Variants in LGALS8 observed in about 807,000 individuals in gnomAD.
LGALS8 encodes galectin-8.
Under a neutral mutation model 35.9 loss-of-function variants are expected in LGALS8, and 30 were observed. The ratio of observed to expected loss-of-function variants is 0.83; its 90% CI spans 0.62 to 1.13. LGALS8 has a LOEUF of 1.13. Among genes scored for constraint, LGALS8 ranks in the 50% most tolerant of loss-of-function variants. LGALS8 has a pLI of 0.00. For synonymous variants in LGALS8, 138 were observed against 136.1 expected, an observed-to-expected ratio of 1.01 and a Z score of -0.10; for missense variants, 366 against 388.7, an observed-to-expected ratio of 0.94 and a Z score of 0.49.
Position 236,552,164 on chromosome 1 carries a change from T to A in LGALS8, c.*4003T>A. On this transcript the variant is annotated 3_prime_UTR_variant, in exon 10 of 10. Transcript: ENST00000366584. Reference sequence around the variant, plus strand: ...AGTAGTGTTACTGTATTTATTATCTTAAGAGCTGTACTGACTTGAGACAAG... The same window carrying A: ...AGTAGTGTTACTGTATTTATTATCTAAAGAGCTGTACTGACTTGAGACAAG... 8.6e-7 allele frequency: 1 copy of A among 1,163,314 alleles called. No individual in the cohort carries two copies. The highest frequency in any genetic ancestry group is 1.3e-6 in the Non-Finnish European group (1 of 779,864). 72.1% of individuals were successfully genotyped at this position (1,163,314 alleles called of 1,614,324 possible). A position where few individuals can be genotyped will look rare whatever the true frequency, so the allele number is the denominator to read the frequency against.
chr1:236,543,173 C>G, intron 7 of LGALS8: 1 of 770,630 alleles, frequency 1.3e-6, no homozygotes, highest in Non-Finnish European at 2.1e-6. Context: ...TGGACGGATT[C>G]GAGAGTCAAC....
chr1:236,543,688 C>A, intron 8 of LGALS8, 40 bp downstream of exon 8: 1 of 1,446,396 alleles, frequency 6.9e-7, no homozygotes, highest in Non-Finnish European at 9.7e-7. Flanking sequence ...CAGATACTTC[C>A]GTGCCTGTTA....
rs1042291346 is a variant in LGALS8, at chr1:236,551,272, C to G, written c.*3111C>G. 4.9e-6 allele frequency: 2 copies of G among 406,292 alleles called. No individual in the cohort carries two copies. Among genetic ancestry groups the G allele is most frequent in the East Asian group, 4.2e-5 (1 of 23,570 alleles). The allele number at this position is 406,292 out of a possible 1,614,324, so 25.2% of individuals were successfully genotyped here. ...ACCCCTTTAGTAGCTCACACCTCCC[C>G]CCTCCAAGAGCTAAGAAACAAAGGA... On this transcript the variant is annotated 3_prime_UTR_variant, in exon 10 of 10. Transcript: ENST00000366584.
intron 2 of LGALS8, among the ~76,000 whole-genome samples, chr1:236,527,601 G>A (rs1385582740): frequency 6.6e-6 from 1 of 151,494 alleles, no homozygotes; most frequent in African/African-American, 2.4e-5. Context: ...CTCTCTTTAC[G>A]TTTCACTGCT....
intron 2 of LGALS8, among the ~76,000 whole-genome samples, chr1:236,528,970 A>T (rs1468953571): frequency 6.6e-6 from 1 of 152,226 alleles, no homozygotes; most frequent in East Asian, 1.9e-4. Context: ...TAGAATTCCA[A>T]GACTTAAAAA....
intron 2 of LGALS8, among the ~76,000 whole-genome samples, chr1:236,528,935 A>G (rs1660986097): frequency 6.6e-6 from 1 of 152,182 alleles, no homozygotes; most frequent in South Asian, 2.1e-4. Context: ...CCTATTTAGT[A>G]TATTTCTTTG....
chr1:236,537,655 G>A (rs566741069), intron 3 of LGALS8, 70 bp downstream of exon 3: 646 of 1,132,392 alleles, frequency 5.7e-4, no homozygotes, highest in Non-Finnish European at 7.8e-4. Context: ...TGATAACAGA[G>A]TAAGGCGGGA....
chr1:236,520,114 G>A (rs1660511018), upstream of LGALS8, among the ~76,000 whole-genome samples: 1 of 151,774 alleles, frequency 6.6e-6, no homozygotes, highest in Non-Finnish European at 1.5e-5. Context: ...GCGCCACAAG[G>A]CCCAGCTAAT....
chr1:236,529,959 TTTTC>T (rs1181567343), intron 2 of LGALS8, among the ~76,000 whole-genome samples: 4 of 152,248 alleles, frequency 2.6e-5, no homozygotes, highest in African/African-American at 9.6e-5. Context: ...GGCCACTTAC[TTTTC>T]TTTCTATTGA....
In LGALS8 at chr1:236,548,354, G is replaced by A. The variant is rs1662541399; in HGVS notation, c.*193G>A. 4 of 582,834 alleles carry A rather than the reference G, an allele frequency of 6.9e-6. No homozygotes were observed. Among genetic ancestry groups the A allele is most frequent in the Non-Finnish European group, 9.0e-6 (3 of 332,784 alleles). 36.1% of individuals were successfully genotyped at this position (582,834 alleles called of 1,614,324 possible). ...GTCTAGCACTGAATGGGGAAACTGG[G>A]GGCAGCAACACTTATAGCCAGTTAA... is the stretch of plus-strand genomic sequence containing the variant. On this transcript the variant is annotated 3_prime_UTR_variant, in exon 10 of 10. Transcript: ENST00000366584.
At chr1:236,525,341 C>T (rs1535502) in intron 1 of LGALS8, 75,190 of 151,660 alleles carry the variant, frequency 0.5, 21,840 homozygotes, top group Non-Finnish European at 0.65. Context: ...AAATGAAAAT[C>T]TAAATGAATA....
chr1:236,520,326 G>A (rs1258709162), upstream of LGALS8, among the ~76,000 whole-genome samples: 1 of 149,278 alleles, frequency 6.7e-6, no homozygotes, highest in African/African-American at 2.5e-5. Flanking sequence ...TCTTATGGCA[G>A]GTCACTTGAA....
chr1:236,518,656 A>T (rs1279469739), upstream of LGALS8, among the ~76,000 whole-genome samples: 3 of 151,474 alleles, frequency 2.0e-5, no homozygotes, highest in African/African-American at 7.3e-5. Flanking sequence ...GCTTTCACAT[A>T]TTTTTTTTTA....
chr1:236,535,166 T>C (rs1661402258), intron 2 of LGALS8, among the ~76,000 whole-genome samples: 2 of 151,870 alleles, frequency 1.3e-5, no homozygotes, highest in African/African-American at 2.4e-5. Flanking sequence ...TTTTTCTGGC[T>C]ATAGAAATAT....
chr1:236,540,376 CAAA>C, intron 4 of LGALS8, 185 bp from the exon 5 acceptor site: 1 of 510,478 alleles, frequency 2.0e-6, no homozygotes, highest in East Asian at 3.3e-5. Context: ...ATCAGGAACT[CAAA>C]AGAAGTTTGG....
upstream of LGALS8, among the ~76,000 whole-genome samples, chr1:236,521,024 G>T (rs1327963288): frequency 1.3e-5 from 2 of 152,176 alleles, no homozygotes; most frequent in Admixed American, 1.3e-4. Context: ...TGCCACTCAG[G>T]TGCTCCCAAT....
Position 236,537,546 on chromosome 1 carries a change from T to G in LGALS8, c.95T>G (p.Leu32Trp). The change falls in exon 3 of 10, where the codon TTG becomes TGG. Residue 32 changes from leucine to tryptophan, a missense_variant. Transcript: ENST00000366584. Reference sequence around the variant, plus strand: ...CCTGATCAGCTGGATCCTGGAACTTTGATTGTGATACGTGGGCATGTTCCT... The same window carrying G: ...CCTGATCAGCTGGATCCTGGAACTTGGATTGTGATACGTGGGCATGTTCCT... ...TIPDQLDPGTLIVIRGHVPSD... is the reference protein window; with the variant it reads ...TIPDQLDPGTWIVIRGHVPSD... The G allele has an allele frequency of 6.2e-7, 1 of 1,607,296 alleles. No individual in the cohort carries two copies. Among genetic ancestry groups the G allele is most frequent in the Non-Finnish European group, 8.5e-7 (1 of 1,173,538 alleles).
chr1:236,538,517 G>C (rs1239980465), intron 3 of LGALS8, among the ~76,000 whole-genome samples: 2 of 152,230 alleles, frequency 1.3e-5, no homozygotes, highest in Non-Finnish European at 2.9e-5. Flanking sequence ...CGGGGAAACA[G>C]AGCTGGACAA....
chr1:236,547,044 C>CT (rs2103110624), intron 9 of LGALS8, among the ~76,000 whole-genome samples: 1 of 152,230 alleles, frequency 6.6e-6, no homozygotes, highest in East Asian at 1.9e-4. Context: ...CAACTTGCTG[C>CT]TTTGCAGATT....
Sources: gnomAD v4.1 joint callset for allele counts (sites outside exome capture counted in the v4.1 genomes callset) on GRCh38, gnomAD v4.1.1 for gene constraint, MANE v1.5 for transcripts, NCBI Gene and HGNC (gene_info 2026-07-23, HGNC 2026-07-21) for gene names.